Variants in TECRL observed in about 807,000 individuals in gnomAD.
TECRL encodes the protein trans-2,3-enoyl-CoA reductase like.
A neutral mutation model predicts 52.8 loss-of-function variants in TECRL; 63 were observed. The observed-to-expected ratio is 1.19, with a 90% CI of 0.97 to 1.47. The LOEUF is 1.47. Among genes scored for constraint, TECRL ranks in the 40% most tolerant of loss-of-function variants. The pLI, the probability that TECRL is intolerant of heterozygous loss-of-function variation, is 0.00. For synonymous variants in TECRL, 164 were observed against 141.9 expected, an observed-to-expected ratio of 1.16 and a Z score of -1.10; for missense variants, 482 against 429.6, an observed-to-expected ratio of 1.12 and a Z score of -1.08.
chr4:64,357,773 C>A (rs1720875393), intron 2 of TECRL, among the ~76,000 whole-genome samples: 1 of 150,858 alleles, frequency 6.6e-6, no homozygotes, highest in Non-Finnish European at 1.5e-5. Context: ...CATACAAAAC[C>A]CAAAATATAA....
At chr4:64,348,362 C>T (rs1464295559) in intron 2 of TECRL, among the ~76,000 whole-genome samples, 3 of 152,058 alleles carry the variant, frequency 2.0e-5, no homozygotes, top group Non-Finnish European at 4.4e-5. Flanking sequence ...AAGAAAGCAC[C>T]CCCAGGATCC....
chr4:64,277,165 T>C (rs1211706250), downstream of TECRL: 2 of 652,380 alleles, frequency 3.1e-6, no homozygotes, highest in East Asian at 5.7e-5. Flanking sequence ...AAAAGTATGA[T>C]GGAGCAACTG....
chr4:64,343,775 C>G (rs561466872), intron 2 of TECRL, among the ~76,000 whole-genome samples: 1 of 152,118 alleles, frequency 6.6e-6, no homozygotes, highest in African/African-American at 2.4e-5. Context: ...CTTTCAAAAT[C>G]TTGCTGGTTG....
At chr4:64,355,674 C>T (rs1360848407) in intron 2 of TECRL, among the ~76,000 whole-genome samples, 7 of 151,216 alleles carry the variant, frequency 4.6e-5, no homozygotes, top group Admixed American at 2.0e-4. Flanking sequence ...TGGTGTCAGG[C>T]ACCTGTAGTC....
At chr4:64,342,480 T>A (rs956347427) in intron 2 of TECRL, among the ~76,000 whole-genome samples, 48 of 152,040 alleles carry the variant, frequency 3.2e-4, no homozygotes, top group African/African-American at 1.1e-3. Flanking sequence ...TATTTATATA[T>A]ACCATGATTT....
intron 1 of TECRL, among the ~76,000 whole-genome samples, chr4:64,385,403 A>G (rs960038960): frequency 2.2e-4 from 34 of 152,196 alleles, no homozygotes; most frequent in African/African-American, 8.2e-4. Context: ...CAGTGGCTGC[A>G]AACAGGCAGC....
chr4:64,334,811 TG>T (rs1207188020), intron 2 of TECRL, among the ~76,000 whole-genome samples: 1 of 152,144 alleles, frequency 6.6e-6, no homozygotes, highest in Non-Finnish European at 1.5e-5. Flanking sequence ...AAGAATTAAG[TG>T]GGGCAGGAAG....
chr4:64,305,712 G>C (rs1219587714), intron 6 of TECRL, among the ~76,000 whole-genome samples: 1 of 152,070 alleles, frequency 6.6e-6, no homozygotes, highest in African/African-American at 2.4e-5. Flanking sequence ...CTGCTCCATG[G>C]GTTTCACTTA....
At chr4:64,358,338 A>G (rs1720930041) in intron 2 of TECRL, among the ~76,000 whole-genome samples, 1 of 151,860 alleles carries the variant, frequency 6.6e-6, no homozygotes, top group African/African-American at 2.4e-5. Flanking sequence ...ATATTGTTAA[A>G]TAAATAAATA....
intron 1 of TECRL, among the ~76,000 whole-genome samples, chr4:64,408,526 C>T (rs566170296): frequency 2.2e-4 from 34 of 151,912 alleles, no homozygotes; most frequent in South Asian, 6.2e-4. Flanking sequence ...TGGATTTGGA[C>T]GAGTAACATT....
At chr4:64,287,963 A>G (rs1366092458) in intron 9 of TECRL, among the ~76,000 whole-genome samples, 1 of 152,074 alleles carries the variant, frequency 6.6e-6, no homozygotes, top group East Asian at 1.9e-4. Flanking sequence ...CCTGGCCAAC[A>G]TGGCGAAACC....
chr4:64,382,774 T>A (rs1722906198), intron 1 of TECRL, among the ~76,000 whole-genome samples: 2 of 152,128 alleles, frequency 1.3e-5, no homozygotes, highest in Admixed American at 1.3e-4. Flanking sequence ...ATTTTGTATG[T>A]CCTTTGATCC....
At chr4:64,408,359 TAA>T (rs1724871795) in intron 1 of TECRL, among the ~76,000 whole-genome samples, 1 of 151,954 alleles carries the variant, frequency 6.6e-6, no homozygotes, top group African/African-American at 2.4e-5. Flanking sequence ...TTTCTCATAT[TAA>T]GTTAATAGTA....
intron 8 of TECRL, among the ~76,000 whole-genome samples, 159 bp downstream of exon 8, chr4:64,299,815 A>T (rs1460143969): frequency 1.3e-5 from 2 of 150,890 alleles, no homozygotes; most frequent in African/African-American, 4.8e-5. Flanking sequence ...TAAAGACTTG[A>T]TTATAGAAAG....
chr4:64,302,781 A>G (rs1724097090), intron 7 of TECRL, among the ~76,000 whole-genome samples: 1 of 151,446 alleles, frequency 6.6e-6, no homozygotes, highest in Admixed American at 6.6e-5. Flanking sequence ...GATTTGTTTA[A>G]TTGAAGTGTT....
chr4:64,288,886 A>T (rs532525996), intron 9 of TECRL, among the ~76,000 whole-genome samples: 1 of 152,246 alleles, frequency 6.6e-6, no homozygotes, highest in African/African-American at 2.4e-5. Flanking sequence ...CACACAACCA[A>T]TTCTTTAAAA....
At chr4:64,291,850 C>G (rs1577811305) in intron 8 of TECRL, among the ~76,000 whole-genome samples, 1 of 151,824 alleles carries the variant, frequency 6.6e-6, no homozygotes. Flanking sequence ...GGTAAAGAAG[C>G]CAGCTTTTCC....
intron 7 of TECRL, among the ~76,000 whole-genome samples, chr4:64,303,886 A>G (rs1046021464): frequency 6.6e-6 from 1 of 152,000 alleles, no homozygotes; most frequent in South Asian, 2.1e-4. Context: ...AAATGCTATA[A>G]TATGTTTTCA....
chr4:64,361,404 T>C (rs7678579), intron 2 of TECRL, among the ~76,000 whole-genome samples: 136,621 of 152,008 alleles, frequency 0.9, 62,054 homozygotes, highest in East Asian at 1. Flanking sequence ...CCGCCACCTA[T>C]CCAAATGTGC....
Sources: gnomAD v4.1 joint callset for allele counts (sites outside exome capture counted in the v4.1 genomes callset) on GRCh38, gnomAD v4.1.1 for gene constraint, MANE v1.5 for transcripts, NCBI Gene and HGNC (gene_info 2026-07-23, HGNC 2026-07-21) for gene names.